NEDD4L: variants seen among roughly 807,000 people sequenced by gnomAD.
NEDD4L encodes the protein NEDD4 like E3 ubiquitin protein ligase.
Under a neutral mutation model 148.9 loss-of-function variants are expected in NEDD4L, and 54 were observed. The ratio of observed to expected loss-of-function variants is 0.36; its 90% CI spans 0.29 to 0.45. The LOEUF (loss-of-function observed/expected upper bound fraction) is 0.45. Ranked by LOEUF, NEDD4L falls within the 20% of genes least tolerant of loss-of-function variation. The pLI, the probability that NEDD4L is intolerant of heterozygous loss-of-function variation, is 1.00. For synonymous variants in NEDD4L, 433 were observed against 440.7 expected, an observed-to-expected ratio of 0.98 and a Z score of 0.22; for missense variants, 856 against 1,233.8, an observed-to-expected ratio of 0.69 and a Z score of 4.59.
chr18:58,080,773 G>T (rs1000740130), intron 1 of NEDD4L, among the ~76,000 whole-genome samples: 1 of 152,166 alleles, frequency 6.6e-6, no homozygotes, highest in African/African-American at 2.4e-5. Context: ...GTAACTGGTG[G>T]AGTGAGTTGG....
intron 1 of NEDD4L, among the ~76,000 whole-genome samples, chr18:58,066,507 C>T (rs984566748): frequency 6.8e-6 from 1 of 147,294 alleles, no homozygotes; most frequent in Non-Finnish European, 1.5e-5. Context: ...TTAGTAGAGA[C>T]GGGGTTTCAA....
rs778348493 is a variant in NEDD4L, at chr18:58,329,031, G to A, written c.717G>A (p.Gln239=). 7 of 1,613,902 alleles carry A rather than the reference G, an allele frequency of 4.3e-6. No individual in the cohort carries two copies. Among genetic ancestry groups the A allele is most frequent in the Non-Finnish European group, 5.9e-6 (7 of 1,179,900 alleles). Residue 239 remains glutamine, a synonymous_variant, in exon 10 of 31, where the codon CAG becomes CAA. Transcript: ENST00000400345. ...VSSESDNNIR[Q]INQEAAHRRF... is the part of the protein sequence containing the mutation. ...CGGAGTCGGACAATAACATCAGACA[G>A]ATCAACCAGGAGGCAGCACACCGGC...
At chr18:58,098,808 GTAC>G (rs1455765978) in intron 1 of NEDD4L, among the ~76,000 whole-genome samples, 10 of 152,296 alleles carry the variant, frequency 6.6e-5, no homozygotes, top group African/African-American at 2.4e-4. Context: ...TCATCACTCT[GTAC>G]TTACTAGTTT....
intron 5 of NEDD4L, among the ~76,000 whole-genome samples, chr18:58,313,054 G>A (rs2057879018): frequency 6.6e-6 from 1 of 152,184 alleles, no homozygotes; most frequent in African/African-American, 2.4e-5. Context: ...AGTTTTAGCA[G>A]CAATGGGATG....
intron 1 of NEDD4L, among the ~76,000 whole-genome samples, chr18:58,130,963 A>T (rs2032020908): frequency 7.5e-6 from 1 of 133,408 alleles, no homozygotes; most frequent in Non-Finnish European, 1.6e-5. Context: ...ATCTAGCAGA[A>T]CTGTGGTGGT....
chr18:58,305,557 G>GT (rs1375575674), intron 5 of NEDD4L, among the ~76,000 whole-genome samples: 2 of 152,176 alleles, frequency 1.3e-5, no homozygotes, highest in Non-Finnish European at 1.5e-5. Context: ...TAGAAAAAGA[G>GT]TGAGTTGGGC....
chr18:58,177,659 C>T (rs1255717520), intron 2 of NEDD4L, among the ~76,000 whole-genome samples: 2 of 152,152 alleles, frequency 1.3e-5, no homozygotes, highest in East Asian at 3.9e-4. Flanking sequence ...TAACAATGTC[C>T]CTTCTACCCA....
At chr18:58,082,201 G>A (rs1388155765) in intron 1 of NEDD4L, among the ~76,000 whole-genome samples, 7 of 142,252 alleles carry the variant, frequency 4.9e-5, no homozygotes, top group East Asian at 2.2e-4. Flanking sequence ...CCTGCCTCCC[G>A]GGTTCAAGCA....
intron 4 of NEDD4L, among the ~76,000 whole-genome samples, chr18:58,250,945 G>A (rs1349339761): frequency 1.3e-5 from 2 of 152,116 alleles, no homozygotes; most frequent in Non-Finnish European, 1.5e-5. Context: ...GTAAGGAAAA[G>A]GAAGCAAAAA....
At chr18:58,269,643 G>A (rs1456135971) in intron 5 of NEDD4L, among the ~76,000 whole-genome samples, 1 of 152,060 alleles carries the variant, frequency 6.6e-6, no homozygotes, top group Non-Finnish European at 1.5e-5. Context: ...ATAGTACCCA[G>A]GTGGTACTTC....
At chr18:58,380,918 T>C (rs79023483) in intron 24 of NEDD4L, among the ~76,000 whole-genome samples, 4,682 of 152,282 alleles carry the variant, frequency 0.031, 217 homozygotes, top group African/African-American at 0.11. Flanking sequence ...GTCTATAACA[T>C]TCTAATGACT....
chr18:58,219,825 T>C (rs564599412), intron 2 of NEDD4L, among the ~76,000 whole-genome samples: 2 of 152,216 alleles, frequency 1.3e-5, no homozygotes, highest in Non-Finnish European at 2.9e-5. Context: ...CAGGTAACAT[T>C]TGGTAGGACG....
intron 1 of NEDD4L, among the ~76,000 whole-genome samples, chr18:58,060,992 T>C (rs1487151495): frequency 2.0e-5 from 3 of 152,136 alleles, no homozygotes; most frequent in African/African-American, 7.2e-5. Flanking sequence ...ACTCCTGACC[T>C]CAAGTGATGT....
At chr18:58,365,405 G>T (rs139613161) in intron 20 of NEDD4L, among the ~76,000 whole-genome samples, 1 of 152,182 alleles carries the variant, frequency 6.6e-6, no homozygotes, top group Admixed American at 6.5e-5. Context: ...AGCCTGGACC[G>T]CCTCTTTGCA....
At chr18:58,063,570 T>TG (rs949734392) in intron 1 of NEDD4L, among the ~76,000 whole-genome samples, 2 of 20,470 alleles carry the variant, frequency 9.8e-5, no homozygotes, top group African/African-American at 1.7e-4. Context: ...ATAGTACAGC[T>TG]TTTTTTTTTT....
At chr18:58,277,877 A>G (rs12605388) in intron 5 of NEDD4L, among the ~76,000 whole-genome samples, 69,622 of 151,956 alleles carry the variant, frequency 0.46, 16,852 homozygotes, top group African/African-American at 0.62. Context: ...ATATCATAAC[A>G]GGTTGGACTG....
intron 5 of NEDD4L, among the ~76,000 whole-genome samples, chr18:58,276,759 A>G (rs1037465186): frequency 2.0e-5 from 3 of 151,762 alleles, no homozygotes; most frequent in Non-Finnish European, 2.9e-5. Flanking sequence ...ACCCATTCCC[A>G]AACTACTTAA....
At chr18:58,219,134 G>A (rs1240842983) in intron 2 of NEDD4L, among the ~76,000 whole-genome samples, 2 of 152,228 alleles carry the variant, frequency 1.3e-5, no homozygotes, top group Non-Finnish European at 2.9e-5. Flanking sequence ...AAGTTTGGCA[G>A]AAGCCGATTT....
In NEDD4L at chr18:58,212,757, C is replaced by G. The variant is rs541454678; in HGVS notation, c.123-32670C>G. On this transcript the variant is annotated intron_variant, in intron 2 of 30. Transcript: ENST00000400345. ...AAGTGCTGGGATTAACAGGCATGAT[C>G]CACCATACCTAGCCTGAATATATAT... 4.7e-5 allele frequency among the ~76,000 whole-genome samples: 7 copies of G among 147,786 alleles called. No homozygotes were observed. The East Asian group carries it at 1.4e-3, about 29-fold the overall frequency.
Sources: gnomAD v4.1 joint callset for allele counts (sites outside exome capture counted in the v4.1 genomes callset) on GRCh38, gnomAD v4.1.1 for gene constraint, MANE v1.5 for transcripts, NCBI Gene and HGNC (gene_info 2026-07-23, HGNC 2026-07-21) for gene names.